Variants in SLC20A2 observed in about 807,000 individuals in gnomAD.
SLC20A2 encodes the protein sodium-dependent phosphate transporter 2.
SLC20A2 carries 30 observed loss-of-function variants against 61.0 expected under a neutral mutation model. The ratio of observed to expected loss-of-function variants is 0.49; its 90% CI spans 0.37 to 0.67. SLC20A2 has a LOEUF of 0.67. Ranked by LOEUF, SLC20A2 falls within the 30% of genes least tolerant of loss-of-function variation. SLC20A2 has a pLI of 0.00. For missense variants in SLC20A2, 626 were observed against 866.4 expected (o/e 0.72, Z 3.48); for synonymous variants, 351 against 353.3 (o/e 0.99, Z 0.07).
rs980426826 is a variant in SLC20A2 at position 42,428,967 on chromosome 8, C to A, written c.1710-125G>T. 1.3e-5 allele frequency: 9 copies of A among 687,880 alleles called. No homozygotes were observed. The African/African-American group carries it at 1.3e-4, about 10-fold the overall frequency. The allele number at this position is 687,880 out of a possible 1,614,324, so 42.6% of individuals were successfully genotyped here. The stretch of plus-strand genomic sequence containing the variant: ...CTGCCGACTGCTGACTGGGCAAGAT[C>A]AATTTTAACAGAACAAGAGGCCGCT... On this transcript the variant is annotated intron_variant, in intron 9 of 10. Coordinates refer to ENST00000520262, the MANE Select transcript of SLC20A2 (RefSeq NM_001257180.2).
At chr8:42,515,462 C>G (rs1212380980) in intron 1 of SLC20A2, among the ~76,000 whole-genome samples, 4 of 152,120 alleles carry the variant, frequency 2.6e-5, no homozygotes, top group Non-Finnish European at 4.4e-5. Flanking sequence ...GGTATGGTAA[C>G]AGAATATAGT....
intron 8 of SLC20A2, 106 bp from the exon 9 acceptor site, chr8:42,430,355 TATG>T (rs1803754155): frequency 4.3e-6 from 4 of 940,836 alleles, no homozygotes; most frequent in South Asian, 1.8e-5. Context: ...ACTCCACAGA[TATG>T]ATGTTTTTCT....
At chr8:42,426,160 T>C (rs762848083) in intron 10 of SLC20A2, among the ~76,000 whole-genome samples, 8 of 152,224 alleles carry the variant, frequency 5.3e-5, no homozygotes, top group Non-Finnish European at 8.8e-5. Context: ...TTATAGTATA[T>C]ATATCAATAC....
intron 1 of SLC20A2, among the ~76,000 whole-genome samples, chr8:42,526,886 T>C (rs1426910815): frequency 6.6e-6 from 1 of 151,886 alleles, no homozygotes; most frequent in Non-Finnish European, 1.5e-5. Context: ...GGTGGATCAC[T>C]TAAGTCCAGG....
intron 5 of SLC20A2, among the ~76,000 whole-genome samples, chr8:42,454,149 G>A (rs974136472): frequency 1.3e-5 from 2 of 152,126 alleles, no homozygotes; most frequent in African/African-American, 4.8e-5. Flanking sequence ...GACTACAGGT[G>A]CCTGCCACCA....
intron 6 of SLC20A2, among the ~76,000 whole-genome samples, chr8:42,441,579 C>T (rs1416183744): frequency 1.3e-5 from 2 of 151,432 alleles, no homozygotes; most frequent in African/African-American, 4.9e-5. Context: ...AGCGATTCTC[C>T]TGCCTCAGCC....
chr8:42,420,053 G>A (rs925910661), intron 10 of SLC20A2, among the ~76,000 whole-genome samples: 1 of 152,082 alleles, frequency 6.6e-6, no homozygotes, highest in African/African-American at 2.4e-5. Context: ...AGGCGTGGTG[G>A]TGCACACCTG....
At chr8:42,524,167 T>C (rs1001941516) in intron 1 of SLC20A2, among the ~76,000 whole-genome samples, 2 of 152,232 alleles carry the variant, frequency 1.3e-5, no homozygotes, top group African/African-American at 4.8e-5. Flanking sequence ...CACATTTTAA[T>C]TCATGATAAA....
chr8:42,432,003 C>T (rs991400307), intron 8 of SLC20A2, among the ~76,000 whole-genome samples: 1 of 152,228 alleles, frequency 6.6e-6, no homozygotes, highest in African/African-American at 2.4e-5. Context: ...GCAAACACAG[C>T]ATCTGTTCTG....
intron 1 of SLC20A2, chr8:42,534,691 C>G (rs1675260471): frequency 6.6e-6 from 1 of 152,172 alleles, no homozygotes; most frequent in South Asian, 2.1e-4. Flanking sequence ...TAGGCATATA[C>G]AGAGGCTGGG....
At chr8:42,460,734 A>C (rs1806632176) in intron 4 of SLC20A2, among the ~76,000 whole-genome samples, 7 of 152,232 alleles carry the variant, frequency 4.6e-5, no homozygotes, top group Admixed American at 3.9e-4. Context: ...AACATCTAAG[A>C]GAATATGAGG....
intron 6 of SLC20A2, 30 bp downstream of exon 6, chr8:42,444,616 T>C (rs761703307): frequency 1.3e-6 from 2 of 1,536,944 alleles, no homozygotes; most frequent in Non-Finnish European, 1.8e-6. Flanking sequence ...GGAGCATTTC[T>C]GTAAATCAGA....
chr8:42,477,857 CG>C (rs1488577557), intron 1 of SLC20A2, among the ~76,000 whole-genome samples: 3 of 151,674 alleles, frequency 2.0e-5, no homozygotes, highest in Non-Finnish European at 2.9e-5. Context: ...AACCACTCAA[CG>C]TGGTAAAGAC....
Position 42,452,823 on chromosome 8 carries a change from T to G in SLC20A2, c.613+7073A>C, listed in dbSNP as rs550982697. Among the ~76,000 whole-genome samples, 3 of 152,104 alleles carry G rather than the reference T, an allele frequency of 2.0e-5. No homozygotes were observed. The South Asian group carries it at 6.2e-4, about 32-fold the overall frequency. ...AGTCAGGAACCAGGCCTGGTTAAGTTGGGAATTCCTTTGCTGGTGGAAACG... is the reference window on the plus strand; with the variant it reads ...AGTCAGGAACCAGGCCTGGTTAAGTGGGGAATTCCTTTGCTGGTGGAAACG... On this transcript the variant is annotated intron_variant, in intron 5 of 10. Coordinates refer to ENST00000520262, the MANE Select transcript of SLC20A2 (RefSeq NM_001257180.2).
At chr8:42,423,659 A>G (rs1021776230) in intron 10 of SLC20A2, among the ~76,000 whole-genome samples, 2 of 152,222 alleles carry the variant, frequency 1.3e-5, no homozygotes, top group African/African-American at 2.4e-5. Flanking sequence ...ATATTCCCAC[A>G]TACTTTTTCT....
chr8:42,505,541 T>C (rs189794001), upstream of SLC20A2, among the ~76,000 whole-genome samples: 41 of 152,258 alleles, frequency 2.7e-4, 1 homozygote, highest in East Asian at 7.7e-3. Flanking sequence ...CATGGATAGG[T>C]CATGGAGAAA....
chr8:42,522,974 T>A (rs1358961422), intron 1 of SLC20A2, among the ~76,000 whole-genome samples: 1 of 150,642 alleles, frequency 6.6e-6, no homozygotes, highest in East Asian at 1.9e-4. Context: ...ATTCTCCCAC[T>A]TTGGCCTCCC....
chr8:42,529,625 C>T (rs1257009522), intron 1 of SLC20A2, among the ~76,000 whole-genome samples: 1 of 152,202 alleles, frequency 6.6e-6, no homozygotes, highest in Non-Finnish European at 1.5e-5. Context: ...AGTACCTCAG[C>T]TCATCCTACA....
intron 3 of SLC20A2, among the ~76,000 whole-genome samples, chr8:42,464,057 CAG>C (rs906270368): frequency 5.3e-4 from 72 of 135,660 alleles, no homozygotes; most frequent in Non-Finnish European, 8.3e-4. Context: ...GGACAGTTGA[CAG>C]AGTGTTTCTT....
Sources: gnomAD v4.1 joint callset for allele counts (sites outside exome capture counted in the v4.1 genomes callset) on GRCh38, gnomAD v4.1.1 for gene constraint, MANE v1.5 for transcripts, NCBI Gene and HGNC (gene_info 2026-07-23, HGNC 2026-07-21) for gene names.